GREB1: variants seen among roughly 807,000 people sequenced by gnomAD.
The protein encoded by GREB1 is protein GREB1.
Under a neutral mutation model 200.7 loss-of-function variants are expected in GREB1, and 106 were observed. The ratio of observed to expected loss-of-function variants is 0.53; its 90% CI spans 0.45 to 0.62. GREB1 has a LOEUF of 0.62. Ranked by LOEUF, GREB1 falls within the 20% of genes least tolerant of loss-of-function variation. GREB1 has a pLI of 0.00. For missense variants in GREB1, 2,243 were observed against 2,556.8 expected (o/e 0.88, Z 2.65); for synonymous variants, 1,132 against 1,092.4 (o/e 1.04, Z -0.72).
chr2:11,536,237 T>A (rs116486273), intron 1 of GREB1, among the ~76,000 whole-genome samples: 1,905 of 152,270 alleles, frequency 0.013, 53 homozygotes, highest in African/African-American at 0.043. Flanking sequence ...GAACACAGCA[T>A]GTGCAGAGTC....
At chr2:11,579,161 C>T (rs1679203288) in intron 6 of GREB1, among the ~76,000 whole-genome samples, 1 of 152,196 alleles carries the variant, frequency 6.6e-6, no homozygotes. Context: ...TGCCCTTGTA[C>T]CCACCTGGCC....
intron 15 of GREB1, among the ~76,000 whole-genome samples, chr2:11,599,288 CGTGGGGGCTCT>C (rs1681543403): frequency 6.7e-6 from 1 of 149,804 alleles, no homozygotes; most frequent in African/African-American, 2.4e-5. Flanking sequence ...AAAGAGGCTC[CGTGGGGGCTCT>C]GGTACCGTGG....
chr2:11,511,115 G>A (rs1673337960), intron 1 of GREB1, among the ~76,000 whole-genome samples: 1 of 152,136 alleles, frequency 6.6e-6, no homozygotes, highest in African/African-American at 2.4e-5. Flanking sequence ...GGTGAGGGCA[G>A]GCATGGGGCG....
intron 13 of GREB1, among the ~76,000 whole-genome samples, chr2:11,596,568 G>T (rs1292257730): frequency 2.1e-5 from 2 of 96,436 alleles, no homozygotes; most frequent in Non-Finnish European, 2.1e-5. Flanking sequence ...CAGTGAGAAG[G>T]GGTGGGGGCA....
At chr2:11,579,388 A>T (rs1177338208) in intron 6 of GREB1, among the ~76,000 whole-genome samples, 1 of 152,208 alleles carries the variant, frequency 6.6e-6, no homozygotes, top group Non-Finnish European at 1.5e-5. Context: ...CCATTTCCTC[A>T]TCTGTAAAGT....
chr2:11,530,710 C>T (rs77386988), upstream of GREB1, among the ~76,000 whole-genome samples: 1,781 of 152,028 alleles, frequency 0.012, 18 homozygotes, highest in Middle Eastern at 0.031. Flanking sequence ...ACTTCAAAGA[C>T]GATGATGAAG....
rs114364759 is a variant in GREB1, at chr2:11,551,640, C to A, written c.-161-4814C>A. Among the ~76,000 whole-genome samples, 176 of 152,268 alleles carry A rather than the reference C, an allele frequency of 1.2e-3. 2 individuals are homozygous for A. The highest frequency in any genetic ancestry group is 4.0e-3 in the African/African-American group (167 of 41,560). On this transcript the variant is annotated intron_variant, in intron 1 of 32. Coordinates refer to ENST00000381486, the MANE Select transcript of GREB1 (RefSeq NM_014668.4). ...TGTCTGTTCCCTTGGAGTTTTCGTG[C>A]CTTTGCACTCTCCTGTCCCTTCCTC...
At chr2:11,544,516 G>A (rs979274128) in intron 1 of GREB1, among the ~76,000 whole-genome samples, 4 of 151,976 alleles carry the variant, frequency 2.6e-5, no homozygotes, top group Admixed American at 1.3e-4. Context: ...GCGCCCGGCC[G>A]AGCCTTTTAA....
In GREB1 at chr2:11,618,628, G is replaced by A; in HGVS notation, c.3753G>A (p.Lys1251=). Residue 1251 remains lysine, a synonymous_variant, in exon 22 of 33, where the codon AAG becomes AAA. Coordinates refer to ENST00000381486, the MANE Select transcript of GREB1 (RefSeq NM_014668.4). ...VLQASQCSLT[K]ACRQPPIVFL... Reference sequence around the variant, plus strand: ...AGGCCTCCCAGTGCTCCTTGACCAAGGCCTGCCGCCAGCCACCCATTGTCT... The same window carrying A: ...AGGCCTCCCAGTGCTCCTTGACCAAAGCCTGCCGCCAGCCACCCATTGTCT... 5.6e-6 allele frequency: 9 copies of A among 1,613,408 alleles called. No homozygotes were observed. The highest frequency in any genetic ancestry group is 7.6e-6 in the Non-Finnish European group (9 of 1,179,948).
At chr2:11,485,325 T>C (rs898139221) in intron 1 of GREB1, among the ~76,000 whole-genome samples, 4 of 150,832 alleles carry the variant, frequency 2.7e-5, no homozygotes, top group African/African-American at 9.8e-5. Context: ...CAGGTTGGAG[T>C]ACAGTGGCAC....
At chr2:11,505,652 G>T (rs1673165587) in intron 1 of GREB1, among the ~76,000 whole-genome samples, 1 of 152,136 alleles carries the variant, frequency 6.6e-6, no homozygotes, top group African/African-American at 2.4e-5. Context: ...GACCAGCCTG[G>T]CCAACATAGG....
intron 1 of GREB1, among the ~76,000 whole-genome samples, chr2:11,514,497 T>C (rs1225818985): frequency 6.6e-6 from 1 of 152,222 alleles, no homozygotes; most frequent in Non-Finnish European, 1.5e-5. Flanking sequence ...CAGATGTATG[T>C]ACTATGTAAC....
intron 23 of GREB1, 86 bp from the exon 24 acceptor site, chr2:11,625,068 C>A: frequency 9.4e-7 from 1 of 1,067,712 alleles, no homozygotes; most frequent in African/African-American, 1.5e-5. Flanking sequence ...TTTCTCAGAA[C>A]GTATTCTGTG....
At chr2:11,499,807 T>C (rs969718020) in intron 1 of GREB1, among the ~76,000 whole-genome samples, 2 of 152,240 alleles carry the variant, frequency 1.3e-5, no homozygotes, top group Non-Finnish European at 2.9e-5. Context: ...ATTGTACATA[T>C]AACTTTGCTG....
chr2:11,515,555 G>A (rs1262755687), intron 1 of GREB1, among the ~76,000 whole-genome samples: 2 of 152,018 alleles, frequency 1.3e-5, no homozygotes, highest in Admixed American at 6.5e-5. Flanking sequence ...TCCTCTGCTG[G>A]AAGCCCTGTG....
At position 11,552,720 on chromosome 2, in the gene GREB1, A is replaced by T. The variant is rs551265168; in HGVS notation, c.-161-3734A>T. ...GTGGCCACAATGGAATAACAAAAAG[A>T]GCCGCAGTTGGCCGGGCGCGGTGGC... On this transcript the variant is annotated intron_variant, in intron 1 of 32. Coordinates refer to ENST00000381486, the MANE Select transcript of GREB1 (RefSeq NM_014668.4). Among the ~76,000 whole-genome samples, 3 of 152,272 alleles carry T rather than the reference A, an allele frequency of 2.0e-5. No individual in the cohort carries two copies. In the South Asian group the frequency reaches 6.2e-4, roughly 32 times the overall value.
intron 13 of GREB1, 104 bp downstream of exon 13, chr2:11,596,343 A>G: frequency 1.1e-6 from 1 of 870,940 alleles, no homozygotes; most frequent in South Asian, 1.6e-5. Context: ...GCCATGGCGC[A>G]AGTGTGCACA....
At chr2:11,607,545 TATGTAC>T (rs1276071846) in intron 17 of GREB1, among the ~76,000 whole-genome samples, 1,912 of 143,558 alleles carry the variant, frequency 0.013, 65 homozygotes, top group African/African-American at 0.049. Context: ...TATATACATA[TATGTAC>T]ATACATATAT....
At chr2:11,598,057 T>C in intron 14 of GREB1, 79 bp downstream of exon 14, 1 of 1,023,510 alleles carries the variant, frequency 9.8e-7, no homozygotes, top group South Asian at 1.3e-5. Flanking sequence ...TTGACACTGT[T>C]CTTTGCTATA....
Sources: gnomAD v4.1 joint callset for allele counts (sites outside exome capture counted in the v4.1 genomes callset) on GRCh38, gnomAD v4.1.1 for gene constraint, MANE v1.5 for transcripts, NCBI Gene and HGNC (gene_info 2026-07-23, HGNC 2026-07-21) for gene names.